The following SLC24A3 variants were observed in gnomAD, a reference collection of about 807,000 sequenced individuals.
The protein encoded by SLC24A3 is solute carrier family 24 member 3, also known as sodium/potassium/calcium exchanger 3.
SLC24A3 carries 28 observed loss-of-function variants against 75.8 expected under a neutral mutation model. That is an observed-to-expected ratio of 0.37 (90% CI 0.27 to 0.51). SLC24A3 has a LOEUF of 0.51. Ranked by LOEUF, SLC24A3 falls within the 20% of genes least tolerant of loss-of-function variation. The probability of loss-of-function intolerance (pLI) is 0.94; values close to 1 mark genes in which losing one functional copy is unlikely to be tolerated. For synonymous variants in SLC24A3, 372 were observed against 334.1 expected (o/e 1.11, Z -1.24); for missense variants, 663 against 847.8 (o/e 0.78, Z 2.71).
At chr20:19,617,961 A>T (rs1417084363) in intron 6 of SLC24A3, among the ~76,000 whole-genome samples, 1 of 151,068 alleles carries the variant, frequency 6.6e-6, no homozygotes, top group African/African-American at 2.4e-5. Context: ...ATTTTAAATG[A>T]TCTCATTTCA....
At chr20:19,232,947 A>G (rs1982064450) in intron 1 of SLC24A3, among the ~76,000 whole-genome samples, 1 of 152,228 alleles carries the variant, frequency 6.6e-6, no homozygotes. Flanking sequence ...ACCAATTTGG[A>G]AAATGAATCG....
intron 2 of SLC24A3, among the ~76,000 whole-genome samples, chr20:19,362,828 G>A (rs751090103): frequency 1.7e-4 from 26 of 152,154 alleles, no homozygotes; most frequent in Non-Finnish European, 3.4e-4. Flanking sequence ...ATCTCCATGG[G>A]TCTCGGGGCA....
At chr20:19,335,704 A>G (rs1360667654) in intron 2 of SLC24A3, among the ~76,000 whole-genome samples, 2 of 152,254 alleles carry the variant, frequency 1.3e-5, no homozygotes, top group African/African-American at 4.8e-5. Context: ...GAAGCTGGCA[A>G]TCAGATCACT....
chr20:19,497,888 A>G (rs1988319505), intron 2 of SLC24A3, among the ~76,000 whole-genome samples: 1 of 152,206 alleles, frequency 6.6e-6, no homozygotes, highest in Non-Finnish European at 1.5e-5. Flanking sequence ...TCCCCAGACC[A>G]TGGACCAGTA....
chr20:19,442,467 T>A (rs1284554948), intron 2 of SLC24A3, among the ~76,000 whole-genome samples: 4 of 152,248 alleles, frequency 2.6e-5, no homozygotes, highest in Non-Finnish European at 5.9e-5. Context: ...ACATATGATT[T>A]GGAATCTTTT....
intron 2 of SLC24A3, among the ~76,000 whole-genome samples, chr20:19,473,776 C>T: frequency 6.6e-6 from 1 of 152,218 alleles, no homozygotes; most frequent in Non-Finnish European, 1.5e-5. Context: ...CCAGTAAGCG[C>T]CCCTCCAAGG....
chr20:19,423,489 C>G (rs1038288353), intron 2 of SLC24A3, among the ~76,000 whole-genome samples: 3 of 152,242 alleles, frequency 2.0e-5, no homozygotes, highest in East Asian at 1.9e-4. Flanking sequence ...CAGGAGCCCC[C>G]GGGAGGTGTT....
chr20:19,212,670 A>T lies in SLC24A3; in HGVS notation c.-173A>T. ...AGCGACGAGGAGGGCGACGACGAGG[A>T]GACGGGCAGCGGCGAGGAGGAGGAA... On this transcript the variant is annotated 5_prime_UTR_variant, in exon 1 of 17. Transcript: ENST00000328041. The T allele has an allele frequency of 3.5e-6, 1 of 287,158 alleles. No homozygotes were observed. Among genetic ancestry groups the T allele is most frequent in the Non-Finnish European group, 5.2e-6 (1 of 193,540 alleles). 17.8% of individuals were successfully genotyped at this position (287,158 alleles called of 1,614,324 possible).
At chr20:19,427,281 G>A (rs1451515099) in intron 2 of SLC24A3, among the ~76,000 whole-genome samples, 1 of 152,170 alleles carries the variant, frequency 6.6e-6, no homozygotes, top group East Asian at 1.9e-4. Flanking sequence ...GATCGTGGAT[G>A]AGATCAGTAC....
chr20:19,236,908 A>C (rs962404307), intron 1 of SLC24A3, among the ~76,000 whole-genome samples: 1 of 152,158 alleles, frequency 6.6e-6, no homozygotes, highest in Non-Finnish European at 1.5e-5. Flanking sequence ...ATGGTGGCTC[A>C]TGTTTATAAA....
At chr20:19,634,652 A>G (rs1416408381) in intron 6 of SLC24A3, among the ~76,000 whole-genome samples, 2 of 152,242 alleles carry the variant, frequency 1.3e-5, no homozygotes, top group African/African-American at 4.8e-5. Context: ...GCACAAAAGT[A>G]TACAGTATGA....
intron 3 of SLC24A3, among the ~76,000 whole-genome samples, chr20:19,542,712 A>G (rs1335851701): frequency 6.6e-6 from 1 of 152,222 alleles, no homozygotes; most frequent in Non-Finnish European, 1.5e-5. Flanking sequence ...AATGTACCCA[A>G]GAGATTGAGT....
At chr20:19,238,882 CCTT>C (rs904640480) in intron 1 of SLC24A3, among the ~76,000 whole-genome samples, 3 of 152,028 alleles carry the variant, frequency 2.0e-5, no homozygotes, top group Admixed American at 2.0e-4. Context: ...CTCCTCCTGT[CCTT>C]CTCTTTCACT....
intron 1 of SLC24A3, chr20:19,244,026 A>C (rs1982410584): frequency 6.6e-6 from 1 of 152,198 alleles, no homozygotes; most frequent in Non-Finnish European, 1.5e-5. Flanking sequence ...AGTGAAATAT[A>C]GCTCCCTTTT....
At chr20:19,631,063 G>A (rs2122686287) in intron 6 of SLC24A3, among the ~76,000 whole-genome samples, 1 of 152,206 alleles carries the variant, frequency 6.6e-6, no homozygotes, top group East Asian at 1.9e-4. Flanking sequence ...AGTATTGTGT[G>A]TTGGGCACAG....
chr20:19,621,674 G>A (rs908004727), intron 6 of SLC24A3, among the ~76,000 whole-genome samples: 11 of 152,144 alleles, frequency 7.2e-5, no homozygotes, highest in African/African-American at 2.2e-4. Flanking sequence ...GAAAGGACTG[G>A]GATGGGGCCT....
chr20:19,601,786 T>C (rs1355507216), intron 6 of SLC24A3, among the ~76,000 whole-genome samples: 1 of 152,200 alleles, frequency 6.6e-6, no homozygotes, highest in Non-Finnish European at 1.5e-5. Context: ...TGCTGGTGTT[T>C]TCCATAAAAG....
Position 19,302,349 on chromosome 20 carries a change from T to C in SLC24A3, c.271+21262T>C, listed in dbSNP as rs113022347. ...CTTAGGTGAATTAATGAACAATTGA[T>C]TGAATGAATCCATGTAACTTCTCTG... On this transcript the variant is annotated intron_variant, in intron 2 of 16. Transcript: ENST00000328041. Among the ~76,000 whole-genome samples, 845 of 152,354 alleles carry C rather than the reference T, an allele frequency of 5.5e-3. 5 individuals carry two copies. Among genetic ancestry groups the C allele is most frequent in the African/African-American group, 0.02 (814 of 41,570 alleles).
At chr20:19,384,026 C>A (rs1200030361) in intron 2 of SLC24A3, among the ~76,000 whole-genome samples, 2 of 152,086 alleles carry the variant, frequency 1.3e-5, no homozygotes, top group African/African-American at 2.4e-5. Flanking sequence ...AACTTTATTT[C>A]TCTAGCTTTA....
Sources: allele counts gnomAD v4.1 joint callset (sites outside exome capture counted in the v4.1 genomes callset), GRCh38; gene constraint gnomAD v4.1.1; transcripts MANE v1.5; gene names NCBI Gene and HGNC (gene_info 2026-07-23, HGNC 2026-07-21).